The following EPHA5 variants were observed in gnomAD, a reference collection of about 807,000 sequenced individuals.
EPHA5 encodes EPH receptor A5.
A neutral mutation model predicts 105.0 loss-of-function variants in EPHA5; 60 were observed. The observed-to-expected ratio is 0.57, with a 90% confidence interval of 0.46 to 0.71. The LOEUF (loss-of-function observed/expected upper bound fraction) is 0.71. Ranked by LOEUF, EPHA5 falls within the 30% of genes least tolerant of loss-of-function variation. The pLI is 0.00. For missense variants in EPHA5, 1,218 were observed against 1,274.7 expected (o/e 0.96, Z 0.68); for synonymous variants, 513 against 449.1 (o/e 1.14, Z -1.80).
intron 7 of EPHA5, among the ~76,000 whole-genome samples, chr4:65,405,091 T>C (rs918915846): frequency 1.3e-5 from 2 of 152,124 alleles, no homozygotes; most frequent in African/African-American, 2.4e-5. Flanking sequence ...TTTAGAAGTA[T>C]AGAAAACTAT....
chr4:65,389,263 T>C (rs1357530894), intron 8 of EPHA5, among the ~76,000 whole-genome samples: 1 of 152,086 alleles, frequency 6.6e-6, no homozygotes. Context: ...GGTGCTGGCA[T>C]ATCCAAAAAT....
chr4:65,509,806 C>A (rs1733421274), intron 3 of EPHA5, among the ~76,000 whole-genome samples: 1 of 152,072 alleles, frequency 6.6e-6, no homozygotes. Flanking sequence ...TTAGCATAAT[C>A]AGATCATTTC....
intron 5 of EPHA5, among the ~76,000 whole-genome samples, chr4:65,462,991 C>T (rs772524195): frequency 6.6e-6 from 1 of 152,104 alleles, no homozygotes; most frequent in Non-Finnish European, 1.5e-5. Context: ...TTAACAAATG[C>T]AATCTTCAGA....
In EPHA5 at chr4:65,551,364, T is replaced by C. The variant is rs544714311; in HGVS notation, c.910+50277A>G. On this transcript the variant is annotated intron_variant, in intron 3 of 16. Coordinates refer to ENST00000613740, the MANE Select transcript of EPHA5 (RefSeq NM_001281766.3). ...GTTTGAGAGTGAAAGGAATCAGTTT[T>C]CATAATTACCCTAAGGGAATAGTGT... is the stretch of plus-strand genomic sequence containing the variant. Among the ~76,000 whole-genome samples the C allele has an allele frequency of 2.5e-3, 375 of 151,794 alleles. 1 individual carries two copies. The highest frequency in any genetic ancestry group is 8.6e-3 in the African/African-American group (356 of 41,416).
intron 3 of EPHA5, among the ~76,000 whole-genome samples, chr4:65,570,058 A>G (rs952095748): frequency 6.6e-6 from 1 of 151,672 alleles, no homozygotes; most frequent in Non-Finnish European, 1.5e-5. Context: ...CCATAATTAT[A>G]TATAATAGAT....
chr4:65,567,236 T>C (rs1390517036), intron 3 of EPHA5, among the ~76,000 whole-genome samples: 2 of 151,668 alleles, frequency 1.3e-5, no homozygotes, highest in East Asian at 3.9e-4. Context: ...GCAAACTTGG[T>C]AGATAATTTA....
chr4:65,353,010 C>A (rs3792649), intron 12 of EPHA5, 32 bp downstream of exon 12: 1 of 1,388,662 alleles, frequency 7.2e-7, no homozygotes, highest in Non-Finnish European at 9.9e-7. Flanking sequence ...ATAAATAACA[C>A]CTTGAATAAC....
chr4:65,660,680 C>T (rs1749481377), intron 1 of EPHA5, among the ~76,000 whole-genome samples: 2 of 152,060 alleles, frequency 1.3e-5, no homozygotes, highest in Non-Finnish European at 2.9e-5. Flanking sequence ...GACCATACCA[C>T]TGTCTAAGAC....
chr4:65,615,582 G>C (rs560190047), intron 2 of EPHA5, among the ~76,000 whole-genome samples: 1 of 151,892 alleles, frequency 6.6e-6, no homozygotes, highest in East Asian at 1.9e-4. Flanking sequence ...AAAACTCACA[G>C]TAAAACATAT....
chr4:65,333,185 C>T (rs142470521), intron 15 of EPHA5, among the ~76,000 whole-genome samples: 4 of 150,968 alleles, frequency 2.6e-5, no homozygotes, highest in Admixed American at 2.0e-4. Flanking sequence ...TTTACATGCC[C>T]ATTATGTAAA....
chr4:65,627,111 C>A (rs1746225472), intron 2 of EPHA5, among the ~76,000 whole-genome samples: 1 of 152,172 alleles, frequency 6.6e-6, no homozygotes, highest in Non-Finnish European at 1.5e-5. Context: ...TATAGAAAAG[C>A]AATTCTTAGG....
chr4:65,327,603 A>C (rs1720208430), intron 16 of EPHA5, among the ~76,000 whole-genome samples: 1 of 151,310 alleles, frequency 6.6e-6, no homozygotes. Flanking sequence ...AACTATAATA[A>C]TGCATGCAAC....
intron 5 of EPHA5, among the ~76,000 whole-genome samples, chr4:65,437,956 C>A (rs1007235236): frequency 6.6e-6 from 1 of 151,824 alleles, no homozygotes; most frequent in Non-Finnish European, 1.5e-5. Context: ...ATCTCATAAG[C>A]CTCATACTGC....
At chr4:65,628,496 A>G (rs1314909503) in intron 2 of EPHA5, among the ~76,000 whole-genome samples, 2 of 152,152 alleles carry the variant, frequency 1.3e-5, no homozygotes, top group Non-Finnish European at 2.9e-5. Flanking sequence ...TCCTGATATT[A>G]GCCTTGAGAT....
chr4:65,565,225 T>G (rs1200954755), intron 3 of EPHA5, among the ~76,000 whole-genome samples: 1 of 151,724 alleles, frequency 6.6e-6, no homozygotes, highest in Admixed American at 6.6e-5. Flanking sequence ...TGGTGACCAA[T>G]TTGCTAATGG....
intron 2 of EPHA5, among the ~76,000 whole-genome samples, chr4:65,620,258 A>G (rs1745600362): frequency 6.6e-6 from 1 of 151,970 alleles, no homozygotes; most frequent in Non-Finnish European, 1.5e-5. Flanking sequence ...AGCTATTATT[A>G]TATCTGGGAA....
chr4:65,659,300 T>C (rs1400175375), intron 1 of EPHA5, among the ~76,000 whole-genome samples: 2 of 114,378 alleles, frequency 1.7e-5, no homozygotes, highest in Non-Finnish European at 3.3e-5. Flanking sequence ...AACTGGATTG[T>C]TTATATACTA....
intron 2 of EPHA5, among the ~76,000 whole-genome samples, chr4:65,620,262 C>T (rs2149474811): frequency 6.6e-6 from 1 of 152,014 alleles, no homozygotes; most frequent in South Asian, 2.1e-4. Context: ...ATTATTATAT[C>T]TGGGAAAACT....
At chr4:65,520,689 A>G (rs1323187679) in intron 3 of EPHA5, among the ~76,000 whole-genome samples, 1 of 152,066 alleles carries the variant, frequency 6.6e-6, no homozygotes, top group African/African-American at 2.4e-5. Flanking sequence ...AAGAAAAAAA[A>G]CAACCCCATC....
Sources: gnomAD v4.1 joint callset for allele counts (sites outside exome capture counted in the v4.1 genomes callset) on GRCh38, gnomAD v4.1.1 for gene constraint, MANE v1.5 for transcripts, NCBI Gene and HGNC (gene_info 2026-07-23, HGNC 2026-07-21) for gene names.